The following ADAMTSL3 variants were observed in gnomAD, a reference collection of about 807,000 sequenced individuals.
ADAMTSL3 encodes ADAMTS-like protein 3.
ADAMTSL3 carries 128 observed loss-of-function variants against 201.7 expected under a neutral mutation model. The observed-to-expected ratio is 0.63, with a 90% CI of 0.55 to 0.73. The LOEUF (loss-of-function observed/expected upper bound fraction) is 0.73, where lower values mean the gene tolerates loss of function less well. ADAMTSL3 is among the 30% of genes least tolerant of loss of function. ADAMTSL3 has a pLI of 0.00. For missense variants in ADAMTSL3, 1,990 were observed against 2,119.6 expected, an observed-to-expected ratio of 0.94 and a Z score of 1.20; for synonymous variants, 738 against 748.4, an observed-to-expected ratio of 0.99 and a Z score of 0.23.
intron 7 of ADAMTSL3, among the ~76,000 whole-genome samples, chr15:83,852,144 G>A (rs2064629136): frequency 6.6e-6 from 1 of 151,894 alleles, no homozygotes. Flanking sequence ...ATGGAGTCTT[G>A]CTCTGTCGCC....
intron 23 of ADAMTSL3, among the ~76,000 whole-genome samples, chr15:84,006,474 G>T (rs186298204): frequency 6.6e-6 from 1 of 152,304 alleles, no homozygotes; most frequent in East Asian, 1.9e-4. Flanking sequence ...TTTCAAGGAT[G>T]AAGGAAATTT....
At chr15:83,689,473 G>A (rs2061583858) in intron 2 of ADAMTSL3, among the ~76,000 whole-genome samples, 1 of 152,044 alleles carries the variant, frequency 6.6e-6, no homozygotes, top group African/African-American at 2.4e-5. Flanking sequence ...CACTGTTTTG[G>A]ATTTTATACA....
chr15:83,894,828 T>C (rs2065580667), intron 13 of ADAMTSL3, among the ~76,000 whole-genome samples: 2 of 152,018 alleles, frequency 1.3e-5, no homozygotes, highest in South Asian at 2.1e-4. Context: ...CATATATATA[T>C]ATATATTTCA....
chr15:84,022,251 T>G (rs909247261), intron 26 of ADAMTSL3, among the ~76,000 whole-genome samples: 1 of 152,150 alleles, frequency 6.6e-6, no homozygotes, highest in African/African-American at 2.4e-5. Context: ...CATGGACTAC[T>G]CCAGGAGTCT....
chr15:83,774,296 T>G (rs76139295), intron 4 of ADAMTSL3, among the ~76,000 whole-genome samples: 1 of 152,240 alleles, frequency 6.6e-6, no homozygotes, highest in East Asian at 1.9e-4. Context: ...TCCAAGATTA[T>G]GTCAGTCATC....
At chr15:83,900,825 C>G (rs948085754) in intron 15 of ADAMTSL3, among the ~76,000 whole-genome samples, 2 of 152,312 alleles carry the variant, frequency 1.3e-5, no homozygotes, top group Non-Finnish European at 2.9e-5. Context: ...TCCCATGTGA[C>G]AAGTTTTCAC....
intron 13 of ADAMTSL3, among the ~76,000 whole-genome samples, chr15:83,897,474 A>G (rs546668628): frequency 2.0e-5 from 3 of 152,302 alleles, no homozygotes; most frequent in African/African-American, 7.2e-5. Flanking sequence ...ATTTTTATTG[A>G]CAGTTCAGAA....
intron 22 of ADAMTSL3, among the ~76,000 whole-genome samples, chr15:83,990,428 C>T (rs569571965): frequency 1.3e-5 from 2 of 152,326 alleles, no homozygotes; most frequent in African/African-American, 2.4e-5. Flanking sequence ...TTGTGCTTAT[C>T]GAAAGAGGAG....
intron 3 of ADAMTSL3, among the ~76,000 whole-genome samples, chr15:83,710,282 G>C (rs564589430): frequency 6.6e-6 from 1 of 152,062 alleles, no homozygotes; most frequent in Non-Finnish European, 1.5e-5. Flanking sequence ...GTCTCTTCCT[G>C]ACCACATTTA....
chr15:83,808,639 G>A (rs2063641691), intron 5 of ADAMTSL3, among the ~76,000 whole-genome samples: 1 of 152,108 alleles, frequency 6.6e-6, no homozygotes, highest in Non-Finnish European at 1.5e-5. Context: ...TATATTCAGA[G>A]GAAATGAAAT....
At chr15:83,928,882 C>T (rs1363848990) in intron 17 of ADAMTSL3, among the ~76,000 whole-genome samples, 1 of 152,118 alleles carries the variant, frequency 6.6e-6, no homozygotes, top group Non-Finnish European at 1.5e-5. Flanking sequence ...CATAAAGTGG[C>T]CTTTTATGGT....
chr15:84,003,806 A>G (rs1005580058), intron 23 of ADAMTSL3, among the ~76,000 whole-genome samples: 10 of 152,192 alleles, frequency 6.6e-5, no homozygotes, highest in African/African-American at 2.2e-4. Context: ...AACAGCATCC[A>G]TTATAAAACA....
chr15:83,957,548 T>C (rs952882758), intron 19 of ADAMTSL3, among the ~76,000 whole-genome samples: 6 of 152,126 alleles, frequency 3.9e-5, no homozygotes, highest in Non-Finnish European at 8.8e-5. Flanking sequence ...TTGAACAATA[T>C]GTAGGAGATT....
intron 17 of ADAMTSL3, among the ~76,000 whole-genome samples, chr15:83,926,070 G>A (rs1205328703): frequency 1.3e-5 from 2 of 152,218 alleles, no homozygotes; most frequent in African/African-American, 4.8e-5. Flanking sequence ...TCAAGAGCAC[G>A]AATACTATGA....
rs983531552 is a variant in ADAMTSL3 at position 83,654,734 on chromosome 15, C to T, written c.-34+458C>T. Among the ~76,000 whole-genome samples, 1 of 152,050 alleles carries T rather than the reference C, an allele frequency of 6.6e-6. No homozygotes were observed. Among genetic ancestry groups the T allele is most frequent in the African/African-American group, 2.4e-5 (1 of 41,408 alleles). On this transcript the variant is annotated intron_variant, in intron 1 of 29. Transcript: ENST00000286744. The surrounding 1 kb of genome is among the most constrained non-coding windows in gnomAD (Gnocchi z 5.3). ...GGACGCGGCGGAGGCACTGGAGGAG[C>T]GACTTCGAGGCAGCGGGTAGTCGGA...
At chr15:83,871,103 C>T in intron 9 of ADAMTSL3, 144 bp downstream of exon 9, 1 of 974,234 alleles carries the variant, frequency 1.0e-6, no homozygotes, top group Non-Finnish European at 1.5e-6. Flanking sequence ...TCTTGGCAGT[C>T]CATTCTTAAA....
chr15:83,963,741 C>T (rs1324739273), intron 19 of ADAMTSL3, among the ~76,000 whole-genome samples: 1 of 152,220 alleles, frequency 6.6e-6, no homozygotes, highest in African/African-American at 2.4e-5. Flanking sequence ...GGCTGACAGA[C>T]ACTTCATACA....
At chr15:84,011,045 A>G (rs568041847) in intron 23 of ADAMTSL3, among the ~76,000 whole-genome samples, 4 of 152,312 alleles carry the variant, frequency 2.6e-5, no homozygotes, top group African/African-American at 9.6e-5. Flanking sequence ...TCCGTGAGGA[A>G]CTTAGTTTAC....
intron 12 of ADAMTSL3, 44 bp downstream of exon 12, chr15:83,891,423 T>A (rs1393497504): frequency 1.1e-5 from 17 of 1,517,678 alleles, no homozygotes; most frequent in Middle Eastern, 1.7e-4. Flanking sequence ...TTAAGTAGTT[T>A]GCAAGGAACT....
Sources: allele counts gnomAD v4.1 joint callset (sites outside exome capture counted in the v4.1 genomes callset), GRCh38; gene constraint gnomAD v4.1.1; non-coding constraint Gnocchi (gnomAD v3.1); transcripts MANE v1.5; gene names NCBI Gene and HGNC (gene_info 2026-07-23, HGNC 2026-07-21).